The following ADAMTS2 variants were observed in gnomAD, a reference collection of about 807,000 sequenced individuals.
ADAMTS2 encodes ADAM metallopeptidase with thrombospondin type 1 motif 2.
ADAMTS2 carries 50 observed loss-of-function variants against 123.0 expected under a neutral mutation model. The ratio of observed to expected loss-of-function variants is 0.41; its 90% CI spans 0.32 to 0.51. The LOEUF is 0.51. ADAMTS2 is among the 20% of genes least tolerant of loss of function. The pLI, the probability that ADAMTS2 is intolerant of heterozygous loss-of-function variation, is 0.35. For missense variants in ADAMTS2, 1,494 were observed against 1,705.2 expected, an observed-to-expected ratio of 0.88 and a Z score of 2.18; for synonymous variants, 678 against 695.4, an observed-to-expected ratio of 0.98 and a Z score of 0.39.
At chr5:179,157,518 C>CTTTTTT (rs112529401) in intron 6 of ADAMTS2, among the ~76,000 whole-genome samples, 1 of 144,674 alleles carries the variant, frequency 6.9e-6, no homozygotes, top group African/African-American at 2.6e-5. Flanking sequence ...TTAAATTTTC[C>CTTTTTT]TTTTTTTTTT....
chr5:179,264,607 G>A (rs1384285826), intron 3 of ADAMTS2, among the ~76,000 whole-genome samples: 3 of 152,202 alleles, frequency 2.0e-5, no homozygotes, highest in African/African-American at 7.2e-5. Context: ...AAGCTCTTTG[G>A]AGGACATTCC....
intron 3 of ADAMTS2, among the ~76,000 whole-genome samples, chr5:179,209,068 G>A (rs753312120): frequency 1.3e-5 from 2 of 152,222 alleles, no homozygotes; most frequent in South Asian, 2.1e-4. Flanking sequence ...GGGTGGCCCA[G>A]GACAGGCCCT....
chr5:179,310,624 G>A (rs144583293), intron 2 of ADAMTS2, among the ~76,000 whole-genome samples: 8 of 152,144 alleles, frequency 5.3e-5, no homozygotes, highest in East Asian at 3.9e-4. Context: ...CAGCCTGGGG[G>A]CCCCCGGGAG....
chr5:179,333,150 C>T (rs1052046999), intron 2 of ADAMTS2, among the ~76,000 whole-genome samples: 4 of 152,238 alleles, frequency 2.6e-5, no homozygotes, highest in African/African-American at 4.8e-5. Context: ...CATCCCAAGC[C>T]GGGCCATGCC....
chr5:179,201,491 T>C (rs1031400108), intron 4 of ADAMTS2, among the ~76,000 whole-genome samples: 1 of 151,940 alleles, frequency 6.6e-6, no homozygotes, highest in Non-Finnish European at 1.5e-5. Flanking sequence ...TAATTTTACA[T>C]AGCAAAAAAA....
chr5:179,117,279 G>A lies in ADAMTS2; in HGVS notation c.3179-2955C>T, dbSNP rs1762673099. Among the ~76,000 whole-genome samples, 2 of 152,296 alleles carry A rather than the reference G, an allele frequency of 1.3e-5. No homozygotes were observed. The highest frequency in any genetic ancestry group is 4.1e-4 in the South Asian group (2 of 4,824). ...CCCATAGGCTTTGACAAAGGAGGGA[G>A]CCTGGGCCTGATGGTGCTGGGAGGG... On this transcript the variant is annotated intron_variant, in intron 21 of 21. Transcript: ENST00000251582. The surrounding 1 kb of genome is among the most constrained non-coding windows in gnomAD (Gnocchi z 4.2).
intron 3 of ADAMTS2, among the ~76,000 whole-genome samples, chr5:179,208,586 G>T (rs759568780): frequency 6.6e-6 from 1 of 152,132 alleles, no homozygotes; most frequent in Non-Finnish European, 1.5e-5. Flanking sequence ...TGCTGTCTCT[G>T]CTGTGTTCTG....
At chr5:179,296,145 G>A (rs549053832) in intron 2 of ADAMTS2, among the ~76,000 whole-genome samples, 159 of 151,090 alleles carry the variant, frequency 1.1e-3, no homozygotes, top group African/African-American at 3.6e-3. Context: ...CGTGGGGACA[G>A]GAGAATGACC....
At chr5:179,154,667 G>T in intron 7 of ADAMTS2, 147 bp downstream of exon 7, 1 of 691,566 alleles carries the variant, frequency 1.4e-6, no homozygotes, top group Non-Finnish European at 2.5e-6. Flanking sequence ...GGCCAGCACT[G>T]CCCAGCGCTG....
intron 10 of ADAMTS2, among the ~76,000 whole-genome samples, chr5:179,141,991 A>C (rs909230230): frequency 2.6e-5 from 4 of 152,098 alleles, no homozygotes; most frequent in Admixed American, 6.6e-5. Flanking sequence ...TCTAGTGAGC[A>C]GTCTGTAGGC....
At position 179,114,157 on chromosome 5, in the gene ADAMTS2, T is replaced by G; in HGVS notation, c.3346A>C (p.Ile1116Leu). 3.1e-6 allele frequency: 5 copies of G among 1,612,846 alleles called. No individual in the cohort carries two copies. Among genetic ancestry groups the G allele is most frequent in the Non-Finnish European group, 4.2e-6 (5 of 1,178,942 alleles). The change falls in exon 22 of 22, where the codon ATT becomes CTT. Residue 1116 changes from isoleucine (I) to leucine (L), a missense_variant. Around this residue, in one of 6 missense-constraint regions of ADAMTS2, gnomAD observed 953 missense variants for 1,124.7 expected, o/e 0.85. Transcript: ENST00000251582. ...GGGAGGGTAGGCATGAACACGTCAATGTCGTTGTGCTTCCCAGGCGGTGGC... is the reference window on the plus strand; with the variant it reads ...GGGAGGGTAGGCATGAACACGTCAAGGTCGTTGTGCTTCCCAGGCGGTGGC... The part of the protein sequence containing the change: ...IEPPPGKHND[I>L]DVFMPTLPVP...
chr5:179,254,027 C>A (rs1428991760), intron 3 of ADAMTS2, among the ~76,000 whole-genome samples: 1 of 152,204 alleles, frequency 6.6e-6, no homozygotes, highest in Admixed American at 6.5e-5. Context: ...GGGCACAAGG[C>A]CACTTCAGTG....
chr5:179,296,676 G>A (rs1404898103), intron 2 of ADAMTS2, among the ~76,000 whole-genome samples: 1 of 152,174 alleles, frequency 6.6e-6, no homozygotes, highest in Non-Finnish European at 1.5e-5. Flanking sequence ...GAGGGCAGGA[G>A]GGAGAGGCGG....
At chr5:179,268,638 G>A (rs913783459) in intron 3 of ADAMTS2, among the ~76,000 whole-genome samples, 1 of 152,224 alleles carries the variant, frequency 6.6e-6, no homozygotes, top group Non-Finnish European at 1.5e-5. Context: ...CTTAACGCGG[G>A]CGGTGGGGGA....
In ADAMTS2 at chr5:179,310,864, C is replaced by G. The variant is rs531877595; in HGVS notation, c.534+32903G>C. ...CAGTGAAAGGGCCACCACCCCAGACCATGGCCAAACTGCAGGGGTCAGGGA... is the reference window on the plus strand; with the variant it reads ...CAGTGAAAGGGCCACCACCCCAGACGATGGCCAAACTGCAGGGGTCAGGGA... On this transcript the variant is annotated intron_variant, in intron 2 of 21. Transcript: ENST00000251582. Among the ~76,000 whole-genome samples the G allele has an allele frequency of 3.3e-5, 5 of 152,284 alleles. No homozygotes were observed. In the South Asian group the frequency reaches 1.0e-3, roughly 32 times the overall value.
intron 4 of ADAMTS2, among the ~76,000 whole-genome samples, chr5:179,200,435 G>C (rs1764535395): frequency 6.6e-6 from 1 of 152,016 alleles, no homozygotes; most frequent in African/African-American, 2.4e-5. Flanking sequence ...TTTTAGTAGA[G>C]ATGAGGTTTT....
rs1326446417 is a variant in ADAMTS2 at position 179,345,236 on chromosome 5, C to T, written c.93G>A (p.Pro31=). ...LLLPPPLLPP[P]PPPANARLAA... is the part of the protein sequence containing the mutation. ...CGAGCCTGGCGTTCGCGGGCGGCGG[C>T]GGCGGCGGCAGGAGCGGCGGCGGCA... Residue 31 remains proline (P), a synonymous_variant, in exon 1 of 22, where the codon CCG becomes CCA. Transcript: ENST00000251582. The surrounding 1 kb of genome is among the most constrained non-coding windows in gnomAD (Gnocchi z 7.5). 2 of 1,143,284 alleles carry T rather than the reference C, an allele frequency of 1.7e-6. No individual in the cohort carries two copies. The highest frequency in any genetic ancestry group is 1.7e-5 in the African/African-American group (1 of 59,860). 70.8% of individuals were successfully genotyped at this position (1,143,284 alleles called of 1,614,324 possible).
Position 179,132,713 on chromosome 5 carries a change from C to T in ADAMTS2, c.2209+64G>A. 1 of 1,610,504 alleles carries T rather than the reference C, an allele frequency of 6.2e-7. No individual in the cohort carries two copies. Among genetic ancestry groups the T allele is most frequent in the Non-Finnish European group, 8.5e-7 (1 of 1,177,286 alleles). On this transcript the variant is annotated intron_variant, in intron 14 of 21. Coordinates refer to ENST00000251582, the MANE Select transcript of ADAMTS2 (RefSeq NM_014244.5). This position sits in a 1 kb window ranked among gnomAD's most constrained non-coding sequence, Gnocchi z 6.1. ...GCCCCAGGATGAGTCAGGCCCTCAG[C>T]TGTCCGGGCATGAGCCTGCTGCAGG...
chr5:179,273,458 C>A (rs938144926), intron 2 of ADAMTS2, among the ~76,000 whole-genome samples: 2 of 152,148 alleles, frequency 1.3e-5, no homozygotes, highest in East Asian at 3.9e-4. Flanking sequence ...GTGCTGCCCC[C>A]ACTCCCAGGA....
Sources: allele counts gnomAD v4.1 joint callset (sites outside exome capture counted in the v4.1 genomes callset), GRCh38; gene constraint gnomAD v4.1.1; regional missense constraint gnomAD v4.1.1; non-coding constraint Gnocchi (gnomAD v3.1); transcripts MANE v1.5; gene names NCBI Gene and HGNC (gene_info 2026-07-23, HGNC 2026-07-21).